The following STAT2 variants were observed in gnomAD, a reference collection of about 807,000 sequenced individuals.
STAT2 encodes signal transducer and activator of transcription 2.
Under a neutral mutation model 122.3 loss-of-function variants are expected in STAT2, and 51 were observed. That is an observed-to-expected ratio of 0.42 (90% CI 0.33 to 0.53). STAT2 has a LOEUF of 0.53. STAT2 is among the 20% of genes least tolerant of loss of function. The probability of loss-of-function intolerance (pLI) is 0.10; values close to 1 mark genes in which losing one functional copy is unlikely to be tolerated. For missense variants in STAT2, 736 were observed against 1,010.3 expected, an observed-to-expected ratio of 0.73 and a Z score of 3.68; for synonymous variants, 351 against 394.9, an observed-to-expected ratio of 0.89 and a Z score of 1.32.
chr12:56,345,516 A>T (rs1353482068), intron 22 of STAT2, among the ~76,000 whole-genome samples: 33 of 26,132 alleles, frequency 1.3e-3, no homozygotes, highest in African/African-American at 4.2e-3. Context: ...AAAAAAAAAA[A>T]AAAAAAAAAT....
In STAT2 at chr12:56,349,272, G is replaced by A. The variant is rs758037675; in HGVS notation, c.1342-11C>T. On this transcript the variant is annotated splice_polypyrimidine_tract_variant and intron_variant, in intron 15 of 23. Transcript: ENST00000314128. ...AGGGAGGGTGTCCGTCTGGGGAGAA[G>A]ACAGGAGTCACAGAGAGGGATGTGA... 3 of 1,614,214 alleles carry A rather than the reference G, an allele frequency of 1.9e-6. No individual in the cohort carries two copies. The highest frequency in any genetic ancestry group is 1.6e-4 in the Middle Eastern group (1 of 6,062).
intron 14 of STAT2, 34 bp downstream of exon 14, chr12:56,349,555 T>C (rs1878111738): frequency 6.2e-7 from 1 of 1,613,926 alleles, no homozygotes; most frequent in African/African-American, 1.3e-5. Flanking sequence ...TTTGGCAAGC[T>C]CCCCCTGCCT....
chr12:56,348,501 C>T (rs1877892838), intron 19 of STAT2, 28 bp downstream of exon 19: 1 of 1,612,364 alleles, frequency 6.2e-7, no homozygotes, highest in South Asian at 1.1e-5. Flanking sequence ...AGCACAAGCC[C>T]ATGAGGGAAG....
chr12:56,357,291 C>T (rs556899708), intron 1 of STAT2, among the ~76,000 whole-genome samples: 8 of 151,894 alleles, frequency 5.3e-5, no homozygotes, highest in Admixed American at 2.0e-4. Flanking sequence ...CCACCTACTT[C>T]GGACTCCCAA....
chr12:56,352,371 T>TTGTTGG (rs1565655623), intron 8 of STAT2: 2 of 28,462 alleles, frequency 7.0e-5, no homozygotes, highest in African/African-American at 1.7e-4. Context: ...TTTTTTTTTT[T>TTGTTGG]GGTGGGGGTG....
chr12:56,350,028 G>T (rs1464797004), intron 13 of STAT2, 69 bp downstream of exon 13: 8 of 1,400,490 alleles, frequency 5.7e-6, no homozygotes, highest in African/African-American at 1.4e-5. Flanking sequence ...CAGCCTGGGG[G>T]ACAGAGTGAG....
At chr12:56,360,029 AC>A in intron 1 of STAT2, 28 bp downstream of exon 1, 1 of 983,746 alleles carries the variant, frequency 1.0e-6, no homozygotes, top group Non-Finnish European at 1.2e-6. Flanking sequence ...CCCCACCCCT[AC>A]CCCAGCACAC....
chr12:56,355,076 C>T (rs1879296844), intron 6 of STAT2, 200 bp downstream of exon 6: 1 of 720,294 alleles, frequency 1.4e-6, no homozygotes, highest in East Asian at 2.7e-5. Context: ...CCATGCATTT[C>T]CTCAACATTT....
At chr12:56,354,040 T>A (rs79184524) in intron 8 of STAT2, among the ~76,000 whole-genome samples, 1,023 of 53,124 alleles carry the variant, frequency 0.019, 42 homozygotes, top group African/African-American at 0.053. Context: ...TATATATATA[T>A]AAAAAATACT....
At chr12:56,349,108 C>G (rs768970796) in intron 16 of STAT2, 49 bp from the exon 17 acceptor site, 1 of 1,613,868 alleles carries the variant, frequency 6.2e-7, no homozygotes, top group Non-Finnish European at 8.5e-7. Context: ...ACCTATCACA[C>G]CAAGCTTCCA....
rs368976667 is a variant in STAT2 at position 56,349,651 on chromosome 12, G to A, written c.1210-15C>T. The A allele has an allele frequency of 6.2e-6, 10 of 1,614,062 alleles. No homozygotes were observed. In the South Asian group the frequency reaches 8.8e-5, roughly 14 times the overall value. On this transcript the variant is annotated splice_polypyrimidine_tract_variant and intron_variant, in intron 13 of 23. Transcript: ENST00000314128. ...TCCACCAGAGTCTGTGAATTGAAGG[G>A]AAGGAGAGAAAATGCCAGAGTGGGC...
intron 7 of STAT2, 65 bp downstream of exon 7, chr12:56,354,713 G>C: frequency 6.2e-7 from 1 of 1,612,596 alleles, no homozygotes. Context: ...TAGAGGACCA[G>C]GGTCCCCACA....
In STAT2 at chr12:56,348,905, G is replaced by A. The variant is rs533792642; in HGVS notation, c.1576+19C>T. On this transcript the variant is annotated intron_variant, in intron 17 of 23. Coordinates refer to ENST00000314128, the MANE Select transcript of STAT2 (RefSeq NM_005419.4). ...AAGACTAAGGCTGGGGAAAGGCTGA[G>A]AGAAAAGGAAATCTGTACCGAACAG... 3.7e-6 allele frequency: 6 copies of A among 1,613,234 alleles called. No individual in the cohort carries two copies. Among genetic ancestry groups the A allele is most frequent in the Admixed American group, 1.7e-5 (1 of 59,972 alleles).
chr12:56,344,184 A>C (rs1877003085), intron 22 of STAT2, 49 bp from the exon 23 acceptor site: 5 of 1,518,182 alleles, frequency 3.3e-6, no homozygotes, highest in Non-Finnish European at 4.4e-6. Flanking sequence ...GGTTCAAATG[A>C]AATCAGGAAT....
chr12:56,359,985 G>A (rs1880135725), intron 1 of STAT2, 73 bp downstream of exon 1: 1 of 955,098 alleles, frequency 1.0e-6, no homozygotes, highest in African/African-American at 1.8e-5. Flanking sequence ...CCTGGGGCCA[G>A]TCGCCCTTCC....
chr12:56,348,662 T>C (rs1337908712), intron 18 of STAT2, 39 bp from the exon 19 acceptor site: 10 of 1,613,978 alleles, frequency 6.2e-6, no homozygotes, highest in Non-Finnish European at 6.8e-6. Context: ...GCTGAGGAGT[T>C]GCCTCTGGTG....
At chr12:56,355,646 G>C (rs1182180298) in intron 4 of STAT2, 62 bp downstream of exon 4, 2 of 1,595,358 alleles carry the variant, frequency 1.3e-6, no homozygotes, top group African/African-American at 2.7e-5. Flanking sequence ...AACTCCCTGA[G>C]TCCTTTCCAT....
chr12:56,347,323 T>A (rs151302282), intron 19 of STAT2, among the ~76,000 whole-genome samples: 39 of 152,004 alleles, frequency 2.6e-4, no homozygotes, highest in Middle Eastern at 3.4e-3. Flanking sequence ...CCAGAGTAGC[T>A]GGGACCACAG....
intron 19 of STAT2, among the ~76,000 whole-genome samples, chr12:56,347,902 A>G (rs887349928): frequency 6.6e-6 from 1 of 152,132 alleles, no homozygotes; most frequent in Non-Finnish European, 1.5e-5. Context: ...TTGAATATCA[A>G]CTGTGTCCCT....
Sources: gnomAD v4.1 joint callset for allele counts (sites outside exome capture counted in the v4.1 genomes callset) on GRCh38, gnomAD v4.1.1 for gene constraint, MANE v1.5 for transcripts, NCBI Gene and HGNC (gene_info 2026-07-23, HGNC 2026-07-21) for gene names.